ZFAND3: variants seen among roughly 807,000 people sequenced by gnomAD.
ZFAND3 encodes the protein zinc finger AN1-type containing 3.
ZFAND3 carries 10 observed loss-of-function variants against 29.6 expected under a neutral mutation model. The ratio of observed to expected loss-of-function variants is 0.34; its 90% confidence interval spans 0.21 to 0.57. ZFAND3 has a LOEUF of 0.57. Ranked by LOEUF, ZFAND3 falls within the 20% of genes least tolerant of loss-of-function variation. The pLI is 0.86. For missense variants in ZFAND3, 230 were observed against 304.5 expected, an observed-to-expected ratio of 0.76 and a Z score of 1.82; for synonymous variants, 128 against 112.6, an observed-to-expected ratio of 1.14 and a Z score of -0.87.
intron 1 of ZFAND3, among the ~76,000 whole-genome samples, chr6:37,823,861 G>T (rs1242141966): frequency 2.0e-5 from 3 of 151,768 alleles, no homozygotes; most frequent in Non-Finnish European, 4.4e-5. Flanking sequence ...GCGCAAGCTT[G>T]GCTCACCGCA....
At chr6:37,908,351 G>A (rs1394341728) in intron 1 of ZFAND3, among the ~76,000 whole-genome samples, 1 of 152,052 alleles carries the variant, frequency 6.6e-6, no homozygotes, top group Middle Eastern at 3.2e-3. Context: ...TTATTTTAAT[G>A]TAAAACGTAA....
At chr6:38,129,030 G>A (rs1028691317) in intron 5 of ZFAND3, among the ~76,000 whole-genome samples, 1 of 152,168 alleles carries the variant, frequency 6.6e-6, no homozygotes, top group Non-Finnish European at 1.5e-5. Flanking sequence ...ATTCTTGCAG[G>A]AGTAAGGTAG....
intron 3 of ZFAND3, among the ~76,000 whole-genome samples, chr6:38,078,736 G>C (rs1040649626): frequency 6.6e-6 from 1 of 152,060 alleles, no homozygotes; most frequent in Admixed American, 6.6e-5. Flanking sequence ...ACACACATAC[G>C]TACTACATTT....
At chr6:38,086,116 C>T (rs887892406) in intron 4 of ZFAND3, among the ~76,000 whole-genome samples, 8 of 152,156 alleles carry the variant, frequency 5.3e-5, no homozygotes, top group Middle Eastern at 3.4e-3. Flanking sequence ...TGTGAGTCTA[C>T]GAAGCAGATT....
intron 1 of ZFAND3, among the ~76,000 whole-genome samples, chr6:37,858,239 A>G (rs996664569): frequency 5.9e-5 from 9 of 152,150 alleles, no homozygotes; most frequent in African/African-American, 1.7e-4. Context: ...CAATCAGAAT[A>G]TTAGGGTTGT....
chr6:37,891,040 A>G (rs1263026926), intron 1 of ZFAND3, among the ~76,000 whole-genome samples: 1 of 152,164 alleles, frequency 6.6e-6, no homozygotes, highest in Non-Finnish European at 1.5e-5. Flanking sequence ...ATCACCACAC[A>G]CACACAACAA....
intron 5 of ZFAND3, among the ~76,000 whole-genome samples, chr6:38,149,379 T>C (rs1581962167): frequency 7.2e-6 from 1 of 138,308 alleles, no homozygotes; most frequent in Non-Finnish European, 1.5e-5. Context: ...ACCACAGCGC[T>C]CCAGCCTGGT....
chr6:38,090,434 C>CATTTTT lies in ZFAND3; in HGVS notation c.361+7977_361+7978insATTTTT, dbSNP rs1281674346. On this transcript the variant is annotated intron_variant, in intron 4 of 5. Coordinates refer to ENST00000287218, the MANE Select transcript of ZFAND3 (RefSeq NM_021943.3). ...AAAAGTATTTAAATAAATGTTTTACCTTATGCACTCATCATCTTGGGTCCT... is the reference window on the plus strand; with the variant it reads ...AAAAGTATTTAAATAAATGTTTTACCATTTTTTTATGCACTCATCATCTTGGGTCCT... Among the ~76,000 whole-genome samples the CATTTTT allele has an allele frequency of 3.3e-5, 5 of 152,060 alleles. No homozygotes were observed. In the South Asian group the frequency reaches 1.0e-3, roughly 32 times the overall value.
At chr6:38,140,058 T>C (rs568688238) in intron 5 of ZFAND3, among the ~76,000 whole-genome samples, 1 of 152,314 alleles carries the variant, frequency 6.6e-6, no homozygotes, top group African/African-American at 2.4e-5. Context: ...ACTGGCTGCA[T>C]GGTGGCCCTA....
chr6:38,022,905 A>G (rs1763377601), intron 2 of ZFAND3, among the ~76,000 whole-genome samples: 2 of 152,326 alleles, frequency 1.3e-5, no homozygotes, highest in Non-Finnish European at 2.9e-5. Context: ...TTCAGCCACT[A>G]GCTGTCTTGA....
At chr6:37,984,224 T>A (rs1017724106) in intron 2 of ZFAND3, among the ~76,000 whole-genome samples, 5 of 152,210 alleles carry the variant, frequency 3.3e-5, no homozygotes, top group Non-Finnish European at 7.4e-5. Context: ...GAGCATGAAA[T>A]TTCTTGCAGT....
intron 1 of ZFAND3, among the ~76,000 whole-genome samples, chr6:37,907,991 T>C (rs1052018668): frequency 9.9e-5 from 15 of 152,228 alleles, no homozygotes; most frequent in Non-Finnish European, 8.8e-5. Flanking sequence ...GTCAGCTACT[T>C]TATAGTCCAT....
intron 1 of ZFAND3, among the ~76,000 whole-genome samples, chr6:37,895,459 CTTTTT>C (rs11331881): frequency 2.6e-5 from 2 of 76,772 alleles, no homozygotes; most frequent in Non-Finnish European, 4.7e-5. Flanking sequence ...CTCAGAGGTT[CTTTTT>C]TTTTTTTTTT....
intron 2 of ZFAND3, among the ~76,000 whole-genome samples, chr6:38,026,833 T>C (rs1258147240): frequency 2.0e-5 from 3 of 152,114 alleles, no homozygotes; most frequent in Non-Finnish European, 4.4e-5. Flanking sequence ...ACTAGGTATC[T>C]CCCTCAAGGT....
At chr6:37,883,404 GC>G (rs67817974) in intron 1 of ZFAND3, among the ~76,000 whole-genome samples, 1,658 of 151,994 alleles carry the variant, frequency 0.011, 42 homozygotes, top group African/African-American at 0.038. Flanking sequence ...ACATTGGATG[GC>G]CCCCACCCCC....
At chr6:37,908,777 T>C (rs1047617118) in intron 1 of ZFAND3, among the ~76,000 whole-genome samples, 2 of 151,184 alleles carry the variant, frequency 1.3e-5, no homozygotes, top group Non-Finnish European at 2.9e-5. Context: ...TTTGATCACT[T>C]GCTTAGAGGT....
intron 2 of ZFAND3, among the ~76,000 whole-genome samples, chr6:38,011,561 T>C (rs1257112830): frequency 6.6e-6 from 1 of 152,224 alleles, no homozygotes; most frequent in Non-Finnish European, 1.5e-5. Context: ...TAGTTTTAAT[T>C]TTCATTTCCT....
At chr6:38,052,672 C>G (rs1400300049) in intron 2 of ZFAND3, among the ~76,000 whole-genome samples, 1 of 152,046 alleles carries the variant, frequency 6.6e-6, no homozygotes, top group Non-Finnish European at 1.5e-5. Context: ...ATTAAGAGTT[C>G]AAATATGAGT....
chr6:38,142,456 T>G (rs1765982430), intron 5 of ZFAND3: 13 of 421,024 alleles, frequency 3.1e-5, no homozygotes, highest in South Asian at 2.2e-4. Context: ...GCCCAGGCTG[T>G]GTCTTCAGCA....
Sources: allele counts gnomAD v4.1 joint callset (sites outside exome capture counted in the v4.1 genomes callset), GRCh38; gene constraint gnomAD v4.1.1; transcripts MANE v1.5; gene names NCBI Gene and HGNC (gene_info 2026-07-23, HGNC 2026-07-21).